The following SRGN variants were observed in gnomAD, a reference collection of about 807,000 sequenced individuals.
SRGN encodes serglycin, also known as hematopoetic proteoglycan core peptide.
A neutral mutation model predicts 9.5 loss-of-function variants in SRGN; 2 were observed. That is an observed-to-expected ratio of 0.21 (90% CI 0.09 to 0.66). The LOEUF is 0.66. Among genes scored for constraint, SRGN ranks in the 30% least tolerant of loss-of-function variants. The pLI is 0.83. For missense variants in SRGN, 170 were observed against 192.4 expected (o/e 0.88, Z 0.69); for synonymous variants, 59 against 72.3 (o/e 0.82, Z 0.93).
At chr10:69,100,965 A>AT (rs34732911) in intron 2 of SRGN, among the ~76,000 whole-genome samples, 97,634 of 138,590 alleles carry the variant, frequency 0.7, 37,454 homozygotes, top group Non-Finnish European at 0.87. Flanking sequence ...GGAGGGAAGT[A>AT]TTTTTTTCTT....
At chr10:69,101,711 A>G (rs1840296509) in intron 2 of SRGN, among the ~76,000 whole-genome samples, 1 of 152,090 alleles carries the variant, frequency 6.6e-6, no homozygotes, top group Admixed American at 6.5e-5. Context: ...CCTGGTTGAC[A>G]AAGTCACTGA....
intron 2 of SRGN, 123 bp downstream of exon 2, chr10:69,097,354 G>T: frequency 1.4e-6 from 1 of 700,310 alleles, no homozygotes; most frequent in Non-Finnish European, 2.3e-6. Flanking sequence ...TCCGCCTCCT[G>T]GGTTCAAGCG....
chr10:69,097,444 T>TTTTTTG (rs1840199408), intron 2 of SRGN, among the ~76,000 whole-genome samples: 1 of 146,734 alleles, frequency 6.8e-6, no homozygotes. Flanking sequence ...TTTTTTTTTT[T>TTTTTTG]GAGACGGAGT....
Position 69,101,628 on chromosome 10 carries a change from G to A in SRGN, c.228-2243G>A, listed in dbSNP as rs74746585. Among the ~76,000 whole-genome samples the A allele has an allele frequency of 3.2e-3, 487 of 152,152 alleles. 19 individuals are homozygous for A. In the East Asian group the frequency reaches 0.076, roughly 24 times the overall value. On this transcript the variant is annotated intron_variant, in intron 2 of 2. Coordinates refer to ENST00000242465, the MANE Select transcript of SRGN (RefSeq NM_002727.4). Reference sequence around the variant, plus strand: ...GCTCCTCTTCACAATAACACCTCCTGAAAGGGCCACCCATGCCTGCCCCCT... The same window carrying A: ...GCTCCTCTTCACAATAACACCTCCTAAAAGGGCCACCCATGCCTGCCCCCT...
At chr10:69,101,932 C>A (rs1386359437) in intron 2 of SRGN, among the ~76,000 whole-genome samples, 1 of 151,930 alleles carries the variant, frequency 6.6e-6, no homozygotes, top group African/African-American at 2.4e-5. Flanking sequence ...GCTTGTGGTC[C>A]CAGCTACAAA....
chr10:69,104,183 T>C lies in SRGN; in HGVS notation c.*63T>C. ...TAGCATATTTTATGTACCATGGTTA[T>C]ATGATTAATCTTGGGACAAAGAATT... is the stretch of plus-strand genomic sequence containing the variant. On this transcript the variant is annotated 3_prime_UTR_variant, in exon 3 of 3. Transcript: ENST00000242465. 6.5e-7 allele frequency: 1 copy of C among 1,544,948 alleles called. No individual in the cohort carries two copies. The highest frequency in any genetic ancestry group is 1.2e-5 in the South Asian group (1 of 81,570).
chr10:69,097,049 T>C (rs2132157402), intron 1 of SRGN, 35 bp from the exon 2 acceptor site: 5 of 1,608,512 alleles, frequency 3.1e-6, no homozygotes, highest in South Asian at 1.1e-5. Context: ...AGCTGTGTAG[T>C]AGATACTTAG....
chr10:69,099,235 A>T (rs1336443307), intron 2 of SRGN, among the ~76,000 whole-genome samples: 1 of 151,968 alleles, frequency 6.6e-6, no homozygotes, highest in African/African-American at 2.4e-5. Flanking sequence ...CTCTCCTCAA[A>T]GCCAGGGTTA....
At chr10:69,103,053 C>T (rs1017313967) in intron 2 of SRGN, among the ~76,000 whole-genome samples, 2 of 151,986 alleles carry the variant, frequency 1.3e-5, no homozygotes, top group Admixed American at 1.3e-4. Context: ...GATTCTCTCA[C>T]CTCAGCCTTC....
upstream of SRGN, chr10:69,088,050 G>C: frequency 1.2e-6 from 1 of 864,572 alleles, no homozygotes; most frequent in African/African-American, 1.7e-5. Flanking sequence ...TGTGTTCTGG[G>C]CAGGGTTTGA....
intron 2 of SRGN, among the ~76,000 whole-genome samples, chr10:69,099,784 G>A (rs756583864): frequency 6.6e-6 from 1 of 152,102 alleles, no homozygotes; most frequent in Non-Finnish European, 1.5e-5. Context: ...TTAAATCATT[G>A]GTTTCAATAG....
intron 1 of SRGN, among the ~76,000 whole-genome samples, chr10:69,093,949 GAATTTA>G (rs2132155224): frequency 6.6e-6 from 1 of 152,242 alleles, no homozygotes; most frequent in South Asian, 2.1e-4. Flanking sequence ...ATGGGAATTT[GAATTTA>G]AATTTATAAG....
intron 1 of SRGN, among the ~76,000 whole-genome samples, chr10:69,088,750 C>G (rs1477862855): frequency 6.7e-6 from 1 of 150,064 alleles, no homozygotes; most frequent in Non-Finnish European, 1.5e-5. Context: ...TTGGTTCTTA[C>G]TGAAAACTCA....
Position 69,103,954 on chromosome 10 carries a change from C to G in SRGN, c.311C>G (p.Ser104Cys). 1 of 1,614,208 alleles carries G rather than the reference C, an allele frequency of 6.2e-7. No homozygotes were observed. The highest frequency in any genetic ancestry group is 8.5e-7 in the Non-Finnish European group (1 of 1,180,050). Reference protein sequence around the residue: ...SGSGFGSGSGSGSGSGSGFLT... With the variant: ...SGSGFGSGSGCGSGSGSGFLT... ...TCAGGCTTCGGCTCCGGCTCCGGCT[C>G]TGGATCAGGATCTGGGAGTGGCTTC... Residue 104 changes from serine to cysteine, a missense_variant, in exon 3 of 3, where the codon TCT becomes TGT. Ser to Cys is a moderately radical substitution (Grantham distance 112, BLOSUM62 -1). Coordinates refer to ENST00000242465, the MANE Select transcript of SRGN (RefSeq NM_002727.4).
intron 1 of SRGN, among the ~76,000 whole-genome samples, chr10:69,088,826 A>T (rs1445787308): frequency 6.6e-6 from 1 of 151,944 alleles, no homozygotes; most frequent in Non-Finnish European, 1.5e-5. Context: ...ATAATTTGGT[A>T]TTTGTGCTCT....
chr10:69,094,288 A>G (rs1055983616), intron 1 of SRGN, among the ~76,000 whole-genome samples: 4 of 152,260 alleles, frequency 2.6e-5, no homozygotes, highest in Admixed American at 6.5e-5. Flanking sequence ...AGCTATACTC[A>G]GGAATCATAG....
chr10:69,097,427 ATTTT>A (rs71035049), intron 2 of SRGN, among the ~76,000 whole-genome samples, 196 bp downstream of exon 2: 5 of 111,412 alleles, frequency 4.5e-5, no homozygotes, highest in Non-Finnish European at 9.0e-5. Context: ...TGCCCAGCTA[ATTTT>A]TTTTTTTTTT....
chr10:69,096,983 G>T, intron 1 of SRGN, 101 bp from the exon 2 acceptor site: 1 of 1,277,908 alleles, frequency 7.8e-7, no homozygotes, highest in South Asian at 1.6e-5. Flanking sequence ...AGCCGACTGA[G>T]ACCCTGTCTC....
chr10:69,098,261 G>A (rs947881244), intron 2 of SRGN, among the ~76,000 whole-genome samples: 10 of 152,330 alleles, frequency 6.6e-5, no homozygotes, highest in African/African-American at 2.2e-4. Flanking sequence ...ATGAAGTACT[G>A]ATACATGCTA....
Sources: gnomAD v4.1 joint callset for allele counts (sites outside exome capture counted in the v4.1 genomes callset) on GRCh38, gnomAD v4.1.1 for gene constraint, MANE v1.5 for transcripts, NCBI Gene and HGNC (gene_info 2026-07-23, HGNC 2026-07-21) for gene names.